Variants in CCDC144A observed in about 807,000 individuals in gnomAD.
CCDC144A encodes coiled-coil domain-containing protein 144A.
Under a neutral mutation model 143.8 loss-of-function variants are expected in CCDC144A, and 41 were observed. That is an observed-to-expected ratio of 0.29 (90% CI 0.22 to 0.37). The LOEUF is 0.37. Among genes scored for constraint, CCDC144A ranks in the 10% least tolerant of loss-of-function variants. The pLI, the probability that CCDC144A is intolerant of heterozygous loss-of-function variation, is 1.00. For missense variants in CCDC144A, 637 were observed against 1,488.8 expected (o/e 0.43, Z 9.41); for synonymous variants, 242 against 517.9 (o/e 0.47, Z 7.23).
chr17:16,696,002 C>T (rs1597529411), intron 2 of CCDC144A, among the ~76,000 whole-genome samples: 1 of 152,130 alleles, frequency 6.6e-6, no homozygotes, highest in East Asian at 1.9e-4. Context: ...GAAGTGAATA[C>T]CTAAGGCAAG....
chr17:16,682,845 G>A, the CCDC144A span, among the ~76,000 whole-genome samples: 1 of 137,438 alleles, frequency 7.3e-6, no homozygotes, highest in African/African-American at 2.7e-5. Flanking sequence ...CCATATTGGA[G>A]TCCTTACTAA....
chr17:16,737,567 G>T (rs1349649692), intron 12 of CCDC144A: 1 of 1,298,046 alleles, frequency 7.7e-7, no homozygotes, highest in Admixed American at 2.4e-5. Flanking sequence ...AACAAGAATG[G>T]ACCGATCTCC....
chr17:16,667,419 G>A, the CCDC144A span, among the ~76,000 whole-genome samples: 3 of 151,688 alleles, frequency 2.0e-5, no homozygotes, highest in Non-Finnish European at 4.4e-5. Flanking sequence ...TAAGGCGGCT[G>A]ACGCGGCTGA....
At chr17:16,718,530 T>C (rs1310284412) in intron 6 of CCDC144A, among the ~76,000 whole-genome samples, 2 of 152,046 alleles carry the variant, frequency 1.3e-5, no homozygotes, top group Non-Finnish European at 2.9e-5. Flanking sequence ...TCCTTCAGCA[T>C]TGGTTCAGAA....
chr17:16,712,338 G>A (rs547204937), intron 6 of CCDC144A, among the ~76,000 whole-genome samples: 2 of 152,078 alleles, frequency 1.3e-5, no homozygotes, highest in Non-Finnish European at 2.9e-5. Flanking sequence ...AAAATCGGAA[G>A]TATTGGCAAA....
At chr17:16,770,649 A>G (rs1405955963) in intron 15 of CCDC144A, among the ~76,000 whole-genome samples, 1 of 152,010 alleles carries the variant, frequency 6.6e-6, no homozygotes, top group Non-Finnish European at 1.5e-5. Context: ...AATCAGTGAC[A>G]TTCATACGTT....
chr17:16,705,234 G>T lies in CCDC144A; in HGVS notation c.499G>T (p.Val167Leu). Residue 167 changes from valine to leucine, a missense_variant, in exon 3 of 17, where the codon GTA becomes TTA. Transcript: ENST00000399273. ...NLKVDDKCPS[V>L]SPSMPENQSA... ...GAAAGTTGATGATAAATGTCCATCT[G>T]TATCACCATCAATGCCTGAAAATCA... The T allele has an allele frequency of 1.3e-6, 1 of 776,268 alleles. No individual in the cohort carries two copies. The highest frequency in any genetic ancestry group is 1.6e-5 in the South Asian group (1 of 63,412). The allele number at this position is 776,268 out of a possible 1,614,324, so 48.1% of individuals were successfully genotyped here.
At chr17:16,683,435 C>A in the CCDC144A span, 2,227 of 1,109,248 alleles carry the variant, frequency 2.0e-3, 14 homozygotes, top group South Asian at 2.3e-3. Context: ...CGGGAGTGAG[C>A]GATGAGCCGG....
chr17:16,682,883 GTTTTTT>G, the CCDC144A span, among the ~76,000 whole-genome samples: 602 of 46,434 alleles, frequency 0.013, 19 homozygotes, highest in African/African-American at 0.029. Context: ...TGGATTCTCT[GTTTTTT>G]TTTTTTTTTT....
intron 2 of CCDC144A, among the ~76,000 whole-genome samples, chr17:16,697,553 T>C (rs561579025): frequency 0.014 from 2,143 of 152,390 alleles, 19 homozygotes; most frequent in Non-Finnish European, 0.022. Context: ...AGTGTCAGTC[T>C]GTTGTGAGGT....
chr17:16,705,383 CAA>C lies in CCDC144A; in HGVS notation c.650_651del (p.Lys217ArgfsTer21), dbSNP rs973596500. ...TGTGCCAATCACAGCTACCAGAAAA[CAA>C]AGAGAGCAAAGAAGGTAACAAAGAA... Reference protein sequence around the residue: ...DLCQSQLPENKESKEAEQDSE... With the variant: ...DLCQSQLPENXESKEAEQDSE... On this transcript the variant is annotated frameshift_variant, in exon 3 of 17. Coordinates refer to ENST00000399273, the MANE Select transcript of CCDC144A (RefSeq NM_001382000.1). LOFTEE classifies it high-confidence loss of function. 21 of 659,534 alleles carry C rather than the reference CAA, an allele frequency of 3.2e-5. No homozygotes were observed. Among genetic ancestry groups the C allele is most frequent in the Non-Finnish European group, 5.3e-5 (20 of 374,816 alleles). 40.9% of individuals were successfully genotyped at this position (659,534 alleles called of 1,614,324 possible).
intron 12 of CCDC144A, among the ~76,000 whole-genome samples, chr17:16,751,730 G>A (rs574344308): frequency 1.3e-5 from 2 of 152,348 alleles, no homozygotes; most frequent in South Asian, 4.1e-4. Flanking sequence ...GCGGATCTGC[G>A]GGTCGTCTGT....
intron 12 of CCDC144A, among the ~76,000 whole-genome samples, chr17:16,737,296 A>G (rs1914062412): frequency 6.8e-6 from 1 of 147,578 alleles, no homozygotes; most frequent in South Asian, 2.1e-4. Flanking sequence ...CCTCCCAAGT[A>G]GCTGGGACTA....
chr17:16,696,348 C>T (rs923674366), intron 2 of CCDC144A, among the ~76,000 whole-genome samples: 3 of 150,126 alleles, frequency 2.0e-5, no homozygotes, highest in South Asian at 2.2e-4. Context: ...GAGTAGATCT[C>T]GGGCCGGGCA....
At chr17:16,696,196 G>A (rs1162567140) in intron 2 of CCDC144A, among the ~76,000 whole-genome samples, 1 of 152,056 alleles carries the variant, frequency 6.6e-6, no homozygotes, top group Non-Finnish European at 1.5e-5. Flanking sequence ...TGTATTTTCA[G>A]TAGAGACAGG....
intron 15 of CCDC144A, chr17:16,765,707 T>A (rs1915565770): frequency 6.6e-6 from 1 of 150,974 alleles, no homozygotes; most frequent in Non-Finnish European, 1.5e-5. Context: ...ATTAAATGAT[T>A]GTTTTAATAC....
chr17:16,737,547 A>G, intron 12 of CCDC144A: 1 of 1,290,042 alleles, frequency 7.8e-7, no homozygotes, highest in Non-Finnish European at 1.0e-6. Flanking sequence ...GGTAGTTATG[A>G]GAGAATTCCA....
At chr17:16,745,899 C>G (rs1480379120) in intron 12 of CCDC144A, 106 of 1,597,366 alleles carry the variant, frequency 6.6e-5, no homozygotes, top group Non-Finnish European at 4.3e-6. Context: ...TCCTTTCCCC[C>G]ATCTCTGCTC....
intron 8 of CCDC144A, among the ~76,000 whole-genome samples, chr17:16,723,451 T>G (rs1913209217): frequency 6.6e-6 from 1 of 152,174 alleles, no homozygotes; most frequent in African/African-American, 2.4e-5. Context: ...TATTGATTTT[T>G]TTCCTATTGT....
Sources: allele counts gnomAD v4.1 joint callset (sites outside exome capture counted in the v4.1 genomes callset), GRCh38; gene constraint gnomAD v4.1.1; transcripts MANE v1.5; gene names NCBI Gene and HGNC (gene_info 2026-07-23, HGNC 2026-07-21).